MADD: variants seen among roughly 807,000 people sequenced by gnomAD.
MADD encodes the protein MAP kinase-activating death domain protein.
MADD carries 109 observed loss-of-function variants against 176.7 expected under a neutral mutation model. The observed-to-expected ratio is 0.62, with a 90% CI of 0.53 to 0.72. The LOEUF (loss-of-function observed/expected upper bound fraction) is 0.72. MADD is among the 30% of genes least tolerant of loss of function. The probability of loss-of-function intolerance (pLI) is 0.00; values close to 1 mark genes in which losing one functional copy is unlikely to be tolerated. For synonymous variants in MADD, 771 were observed against 771.3 expected (o/e 1.00, Z 0.01); for missense variants, 1,914 against 2,045.5 (o/e 0.94, Z 1.24).
intron 30 of MADD, chr11:47,325,000 C>T (rs978228091): frequency 3.3e-5 from 18 of 546,700 alleles, no homozygotes; most frequent in African/African-American, 2.3e-4. Flanking sequence ...GTGCAGCTTG[C>T]GTGTGCGTGC....
At chr11:47,308,958 C>CTT in intron 23 of MADD, 22 bp from the exon 26 acceptor site, 2 of 1,610,366 alleles carry the variant, frequency 1.2e-6, no homozygotes, top group Non-Finnish European at 1.7e-6. Flanking sequence ...TACCATGGTC[C>CTT]TTCCTGCTCT....
intron 27 of MADD, among the ~76,000 whole-genome samples, chr11:47,322,942 G>A (rs2142014776): frequency 6.6e-6 from 1 of 151,894 alleles, no homozygotes; most frequent in African/African-American, 2.4e-5. Flanking sequence ...CACATAAGAG[G>A]TAATAAATAA....
chr11:47,327,509 G>A (rs916127449), intron 31 of MADD: 3 of 985,398 alleles, frequency 3.0e-6, no homozygotes, highest in Non-Finnish European at 3.6e-6. Flanking sequence ...CCCTGGGTGG[G>A]TAGCTCCCAT....
chr11:47,303,807 C>T (rs867566534), intron 22 of MADD, among the ~76,000 whole-genome samples: 7 of 151,418 alleles, frequency 4.6e-5, no homozygotes, highest in African/African-American at 7.3e-5. Flanking sequence ...AGGATTTCAC[C>T]GTGTTGGTCA....
At chr11:47,290,791 G>A in exon 19 of MADD, 1 of 1,612,576 alleles carries the variant, frequency 6.2e-7, no homozygotes, top group South Asian at 1.1e-5. Context: ...GAAGTTTAAA[G>A]GAAGAAAATT....
exon 3 of MADD, chr11:47,274,763 T>A (rs749111541): frequency 6.2e-7 from 1 of 1,614,056 alleles, no homozygotes; most frequent in Non-Finnish European, 8.5e-7. Context: ...GACACTGGAG[T>A]CACGCGATAT....
At chr11:47,303,354 T>A (rs1385814116) in intron 22 of MADD, among the ~76,000 whole-genome samples, 2 of 145,856 alleles carry the variant, frequency 1.4e-5, no homozygotes, top group Non-Finnish European at 3.0e-5. Flanking sequence ...CCATTCTACC[T>A]CAGCCTCCTG....
chr11:47,270,104 GCAC>G (rs567720927), upstream of MADD: 8 of 151,562 alleles, frequency 5.3e-5, no homozygotes, highest in South Asian at 1.3e-3. Context: ...CTCCCCCTCC[GCAC>G]CCCGCGCGAG....
chr11:47,315,236 C>CT lies in MADD; in HGVS notation c.4107dup (p.Ile1370TyrfsTer34). 6.2e-7 allele frequency: 1 copy of CT among 1,612,170 alleles called. No individual in the cohort carries two copies. Among genetic ancestry groups the CT allele is most frequent in the Non-Finnish European group, 8.5e-7 (1 of 1,178,272 alleles). On this transcript the variant is annotated frameshift_variant, in exon 27 of 33. Transcript: ENST00000402192. LOFTEE classifies it high-confidence loss of function. Reference sequence around the variant, plus strand: ...TTTCATCAGAATGGACGCGATCTCTCTATCTGGTCCAGTGGCAGCCGGCAC... The same window carrying CT: ...TTTCATCAGAATGGACGCGATCTCTCTTATCTGGTCCAGTGGCAGCCGGCAC...
chr11:47,309,381 T>G, exon 24 of MADD: 1 of 1,614,098 alleles, frequency 6.2e-7, no homozygotes, highest in Non-Finnish European at 8.5e-7. Flanking sequence ...TGGACCAGGG[T>G]CCCCAGGAAA....
chr11:47,323,725 T>G, exon 28 of MADD: 1 of 1,614,142 alleles, frequency 6.2e-7, no homozygotes. Context: ...GTATGAGCGC[T>G]GGTGGTACGA....
At chr11:47,295,310 C>A (rs915163623) in intron 20 of MADD, among the ~76,000 whole-genome samples, 186 bp from the exon 23 acceptor site, 5 of 152,132 alleles carry the variant, frequency 3.3e-5, no homozygotes, top group African/African-American at 1.2e-4. Context: ...CTGTGCCCGG[C>A]CTATTTCTTT....
intron 19 of MADD, chr11:47,292,566 G>A: frequency 1.2e-6 from 2 of 1,614,018 alleles, no homozygotes; most frequent in Non-Finnish European, 1.7e-6. Flanking sequence ...GCACCAGGAA[G>A]TGAAAAAGCA....
intron 6 of MADD, 55 bp downstream of exon 6, chr11:47,278,333 C>G (rs181583493): frequency 3.7e-4 from 472 of 1,271,384 alleles, no homozygotes; most frequent in Non-Finnish European, 3.1e-4. Context: ...CATTCTAGAC[C>G]CAGTCCTGAG....
At chr11:47,294,689 AAAAATG>A (rs1207426784) in intron 20 of MADD, among the ~76,000 whole-genome samples, 3 of 151,404 alleles carry the variant, frequency 2.0e-5, no homozygotes. Flanking sequence ...AAAAAAAAAA[AAAAATG>A]AACAACCTCA....
chr11:47,278,124 G>A, intron 5 of MADD, 41 bp from the exon 6 acceptor site: 1 of 1,330,270 alleles, frequency 7.5e-7, no homozygotes, highest in East Asian at 2.3e-5. Context: ...GCTCATGATA[G>A]GTTTTGTCTT....
chr11:47,290,659 T>G, exon 19 of MADD: 1 of 1,614,028 alleles, frequency 6.2e-7, no homozygotes, highest in Non-Finnish European at 8.5e-7. Flanking sequence ...ATACCCCAGT[T>G]GGCAAGGATC....
intron 5 of MADD, among the ~76,000 whole-genome samples, chr11:47,277,325 C>G (rs182039230): frequency 8.5e-5 from 13 of 152,178 alleles, no homozygotes; most frequent in African/African-American, 3.1e-4. Context: ...CAGAGTCTCC[C>G]TCTATCCCCC....
intron 22 of MADD, among the ~76,000 whole-genome samples, chr11:47,296,466 T>C (rs372993813): frequency 6.6e-6 from 1 of 152,236 alleles, no homozygotes; most frequent in Non-Finnish European, 1.5e-5. Context: ...ATAAATAAAA[T>C]AGCATTTTAT....
Sources: allele counts gnomAD v4.1 joint callset (sites outside exome capture counted in the v4.1 genomes callset), GRCh38; gene constraint gnomAD v4.1.1; transcripts MANE v1.5; gene names NCBI Gene and HGNC (gene_info 2026-07-23, HGNC 2026-07-21).